The following TMEM135 variants were observed in gnomAD, a reference collection of about 807,000 sequenced individuals.
TMEM135 encodes the protein peroxisomal membrane protein 52.
Under a neutral mutation model 60.3 loss-of-function variants are expected in TMEM135, and 30 were observed. That is an observed-to-expected ratio of 0.50 (90% confidence interval 0.37 to 0.68). TMEM135 has a LOEUF of 0.68. Among genes scored for constraint, TMEM135 ranks in the 30% least tolerant of loss-of-function variants. TMEM135 has a pLI of 0.00. For missense variants in TMEM135, 468 were observed against 548.8 expected (o/e 0.85, Z 1.47); for synonymous variants, 190 against 186.7 (o/e 1.02, Z -0.14).
chr11:87,293,449 G>A (rs1037001845), intron 6 of TMEM135, among the ~76,000 whole-genome samples: 8 of 151,444 alleles, frequency 5.3e-5, no homozygotes, highest in Admixed American at 2.0e-4. Context: ...TGTTACATAC[G>A]TATACGTGTG....
chr11:87,291,763 A>G (rs773976080), intron 6 of TMEM135, among the ~76,000 whole-genome samples: 7 of 151,726 alleles, frequency 4.6e-5, no homozygotes, highest in African/African-American at 7.3e-5. Context: ...GGCTGGTCTT[A>G]AACTCCTAAC....
intron 12 of TMEM135, among the ~76,000 whole-genome samples, chr11:87,315,169 C>A (rs1462116048): frequency 6.6e-6 from 1 of 151,766 alleles, no homozygotes; most frequent in African/African-American, 2.4e-5. Context: ...TCCTCCTCCT[C>A]TTCCTTCTCC....
intron 5 of TMEM135, among the ~76,000 whole-genome samples, chr11:87,234,585 T>C (rs1254551783): frequency 2.1e-4 from 32 of 152,066 alleles, no homozygotes; most frequent in Admixed American, 2.0e-3. Context: ...CAAAACAAGA[T>C]AAAAACAATC....
chr11:87,276,519 T>C lies in TMEM135; in HGVS notation c.510-19263T>C, dbSNP rs568268433. Among the ~76,000 whole-genome samples the C allele has an allele frequency of 7.3e-5, 11 of 151,672 alleles. No homozygotes were observed. In the South Asian group the frequency reaches 8.3e-4, roughly 11 times the overall value. On this transcript the variant is annotated intron_variant, in intron 6 of 14. Transcript: ENST00000305494. Reference sequence around the variant, plus strand: ...TATCAAAAGTTTATATATATATATATATACACACACATATATACTTAAGTT... The same window carrying C: ...TATCAAAAGTTTATATATATATATACATACACACACATATATACTTAAGTT...
At chr11:87,049,804 C>G (rs202068088) in intron 1 of TMEM135, among the ~76,000 whole-genome samples, 13,179 of 98,814 alleles carry the variant, frequency 0.13, 2,500 homozygotes, top group East Asian at 0.32. Context: ...CTCAGCTCTG[C>G]ACCAAGCGGA....
Position 87,328,432 on chromosome 11 carries a change from A to G in TMEM135, c.*7099A>G, listed in dbSNP as rs1298216610. 4.4e-6 allele frequency: 2 copies of G among 454,076 alleles called. No individual in the cohort carries two copies. Among genetic ancestry groups the G allele is most frequent in the South Asian group, 3.1e-5 (2 of 64,476 alleles). The allele number at this position is 454,076 out of a possible 1,614,324, so 28.1% of individuals were successfully genotyped here. A position where few individuals can be genotyped will look rare whatever the true frequency, so the allele number is the denominator to read the frequency against. On this transcript the variant is annotated 3_prime_UTR_variant, in exon 15 of 15. Coordinates refer to ENST00000305494, the MANE Select transcript of TMEM135 (RefSeq NM_022918.4). ...GCATGGATGAATTGTATATTGGTGAAGTCTGAAATTTTAGTGCACCTGTCA... is the reference window on the plus strand; with the variant it reads ...GCATGGATGAATTGTATATTGGTGAGGTCTGAAATTTTAGTGCACCTGTCA...
chr11:87,127,773 G>A (rs1937777895), intron 4 of TMEM135, among the ~76,000 whole-genome samples: 1 of 152,064 alleles, frequency 6.6e-6, no homozygotes. Flanking sequence ...TTTTCAGCAT[G>A]TCTGTTCCTA....
chr11:87,267,657 AC>A (rs1472829606), intron 6 of TMEM135, among the ~76,000 whole-genome samples: 2 of 152,194 alleles, frequency 1.3e-5, no homozygotes, highest in Non-Finnish European at 2.9e-5. Context: ...TACGTGATAT[AC>A]ATTTCAAAAA....
At chr11:87,320,956 G>A (rs75326393) in intron 14 of TMEM135, among the ~76,000 whole-genome samples, 251 of 152,188 alleles carry the variant, frequency 1.6e-3, no homozygotes, top group African/African-American at 5.5e-3. Context: ...AATCTCTGCG[G>A]TTTCAGATCT....
intron 5 of TMEM135, among the ~76,000 whole-genome samples, chr11:87,183,344 T>C (rs1400646621): frequency 6.6e-6 from 1 of 151,478 alleles, no homozygotes; most frequent in Non-Finnish European, 1.5e-5. Flanking sequence ...GGTTTCACCA[T>C]GTTGGTCAGG....
chr11:87,272,514 A>G (rs1293872565), intron 6 of TMEM135, among the ~76,000 whole-genome samples: 1 of 152,020 alleles, frequency 6.6e-6, no homozygotes, highest in Admixed American at 6.6e-5. Flanking sequence ...AGGCTGAAGT[A>G]TAGTGGTGTG....
intron 6 of TMEM135, among the ~76,000 whole-genome samples, chr11:87,271,026 CAT>C (rs1941852780): frequency 6.6e-6 from 1 of 151,926 alleles, no homozygotes; most frequent in African/African-American, 2.4e-5. Context: ...CCGAATAAAT[CAT>C]AATTCATTTT....
At chr11:87,260,986 A>T (rs953191793) in intron 6 of TMEM135, among the ~76,000 whole-genome samples, 3 of 152,196 alleles carry the variant, frequency 2.0e-5, no homozygotes, top group Non-Finnish European at 4.4e-5. Flanking sequence ...GCAGAGCCAT[A>T]AGTCACATCA....
intron 6 of TMEM135, among the ~76,000 whole-genome samples, chr11:87,279,793 G>A (rs1226651726): frequency 1.3e-5 from 2 of 152,180 alleles, no homozygotes; most frequent in Non-Finnish European, 2.9e-5. Flanking sequence ...TTAATGATGT[G>A]ACTTTATTAT....
intron 6 of TMEM135, among the ~76,000 whole-genome samples, chr11:87,275,762 G>A (rs1331874750): frequency 6.6e-6 from 1 of 152,124 alleles, no homozygotes; most frequent in Non-Finnish European, 1.5e-5. Flanking sequence ...CTGGGTTCAA[G>A]CAATTCTCCT....
intron 7 of TMEM135, among the ~76,000 whole-genome samples, chr11:87,301,292 T>A (rs1426465843): frequency 1.3e-5 from 2 of 152,120 alleles, no homozygotes; most frequent in Non-Finnish European, 2.9e-5. Context: ...CATACTGTAT[T>A]GCCTAGGCTG....
Position 87,325,336 on chromosome 11 carries a change from C to T in TMEM135, c.*4003C>T, listed in dbSNP as rs1226485590. 2 of 453,958 alleles carry T rather than the reference C, an allele frequency of 4.4e-6. No homozygotes were observed. The highest frequency in any genetic ancestry group is 1.4e-4 in the East Asian group (2 of 14,400). 28.1% of individuals were successfully genotyped at this position (453,958 alleles called of 1,614,324 possible). A position where few individuals can be genotyped will look rare whatever the true frequency, so the allele number is the denominator to read the frequency against. On this transcript the variant is annotated 3_prime_UTR_variant, in exon 15 of 15. Transcript: ENST00000305494. ...TGATATAGCTAGTGTCATAGGACTA[C>T]AGCAGAGTAGTGAGTGAATGGCCTT...
At chr11:87,120,667 C>T (rs975058994) in intron 4 of TMEM135, among the ~76,000 whole-genome samples, 11 of 151,766 alleles carry the variant, frequency 7.2e-5, no homozygotes, top group Non-Finnish European at 5.9e-5. Flanking sequence ...AGGGCTTCAC[C>T]GTGTTGGCCA....
chr11:87,277,737 G>T (rs1309017977), intron 6 of TMEM135, among the ~76,000 whole-genome samples: 1 of 151,962 alleles, frequency 6.6e-6, no homozygotes, highest in Non-Finnish European at 1.5e-5. Context: ...GGCCAGGCTG[G>T]TCTCGAACTC....
Sources: allele counts gnomAD v4.1 joint callset (sites outside exome capture counted in the v4.1 genomes callset), GRCh38; gene constraint gnomAD v4.1.1; transcripts MANE v1.5; gene names NCBI Gene and HGNC (gene_info 2026-07-23, HGNC 2026-07-21).